The following COL25A1 variants were observed in gnomAD, a reference collection of about 807,000 sequenced individuals.
COL25A1 encodes the protein collagen alpha-1(XXV) chain.
A neutral mutation model predicts 128.4 loss-of-function variants in COL25A1; 103 were observed. That is an observed-to-expected ratio of 0.80 (90% CI 0.68 to 0.94). The LOEUF is 0.94. Among genes scored for constraint, COL25A1 ranks in the 40% least tolerant of loss-of-function variants. The probability of loss-of-function intolerance (pLI) is 0.00; values close to 1 mark genes in which losing one functional copy is unlikely to be tolerated. For missense variants in COL25A1, 745 were observed against 840.0 expected, an observed-to-expected ratio of 0.89 and a Z score of 1.40; for synonymous variants, 279 against 277.2, an observed-to-expected ratio of 1.01 and a Z score of -0.06.
intron 5 of COL25A1, among the ~76,000 whole-genome samples, chr4:109,022,452 T>G (rs79483437): frequency 0.012 from 1,835 of 152,314 alleles, 35 homozygotes; most frequent in East Asian, 0.1. Context: ...TTACTTGTCA[T>G]GTGGATGGAA....
At chr4:108,990,082 C>T (rs1348446496) in intron 6 of COL25A1, among the ~76,000 whole-genome samples, 3 of 150,594 alleles carry the variant, frequency 2.0e-5, no homozygotes, top group Non-Finnish European at 3.0e-5. Flanking sequence ...GGTATAGTGG[C>T]GGGGCTGTAA....
At chr4:109,019,371 C>CATATATATATATATATATATATAT (rs1183525991) in intron 5 of COL25A1, among the ~76,000 whole-genome samples, 13 of 8,912 alleles carry the variant, frequency 1.5e-3, no homozygotes, top group African/African-American at 2.6e-3. Context: ...CACACACACA[C>CATATATATATATATATATATATAT]ACACATATAT....
chr4:108,823,116 G>A (rs995474020), intron 35 of COL25A1, among the ~76,000 whole-genome samples: 1 of 152,170 alleles, frequency 6.6e-6, no homozygotes, highest in Non-Finnish European at 1.5e-5. Context: ...ATTTAGCCTT[G>A]CTTGTCAACA....
intron 5 of COL25A1, among the ~76,000 whole-genome samples, chr4:109,013,768 A>C (rs1350134608): frequency 6.6e-6 from 1 of 152,180 alleles, no homozygotes; most frequent in Non-Finnish European, 1.5e-5. Context: ...CGAAGGAAGA[A>C]ACTCTAAGCA....
intron 3 of COL25A1, among the ~76,000 whole-genome samples, chr4:109,211,274 CTATATATATATGAAACTATA>C (rs1777500432): frequency 1.3e-4 from 2 of 15,958 alleles, no homozygotes; most frequent in Admixed American, 8.1e-4. Flanking sequence ...ATATATGAAA[CTATATATATATGAAACTATA>C]TATATATATA....
intron 3 of COL25A1, among the ~76,000 whole-genome samples, chr4:109,165,857 T>C (rs1773020849): frequency 6.6e-6 from 1 of 152,180 alleles, no homozygotes; most frequent in African/African-American, 2.4e-5. Context: ...TTAAGTACAG[T>C]TTCTAACTAG....
intron 3 of COL25A1, among the ~76,000 whole-genome samples, chr4:109,136,314 G>C (rs1327938541): frequency 6.6e-6 from 1 of 152,112 alleles, no homozygotes; most frequent in African/African-American, 2.4e-5. Flanking sequence ...CATGAGAATC[G>C]CTTAAGCCTG....
At chr4:109,011,482 A>T (rs1410335196) in intron 5 of COL25A1, among the ~76,000 whole-genome samples, 1 of 152,008 alleles carries the variant, frequency 6.6e-6, no homozygotes, top group Non-Finnish European at 1.5e-5. Flanking sequence ...TACTCACCCC[A>T]CTCCTGTACT....
chr4:108,822,292 C>T (rs999422522), intron 35 of COL25A1, among the ~76,000 whole-genome samples: 5 of 152,084 alleles, frequency 3.3e-5, no homozygotes, highest in Non-Finnish European at 7.4e-5. Context: ...GATCCACCCG[C>T]CTCGGCCTCC....
In COL25A1 at chr4:108,852,928, G is replaced by T; in HGVS notation, c.1321-3C>A. The T allele has an allele frequency of 1.9e-6, 3 of 1,609,846 alleles. No individual in the cohort carries two copies. In the South Asian group the frequency reaches 3.3e-5, roughly 18 times the overall value. ...GTGACAGTTAAGGTGGTAATCCTCT[G>T]TTGGGAAAATGTGTTGACAAAGACA... On this transcript the variant is annotated splice_region_variant and splice_polypyrimidine_tract_variant and intron_variant, in intron 24 of 37. Transcript: ENST00000399132.
rs1774055926 is a variant in COL25A1 at position 109,175,964 on chromosome 4, A to G, written c.367+124619T>C. On this transcript the variant is annotated intron_variant, in intron 3 of 37. Transcript: ENST00000399132. ...CTTATAGTGAAGAATGTTGTTTGATACAACTGCATTAGAGAATTGTATAAT... is the reference window on the plus strand; with the variant it reads ...CTTATAGTGAAGAATGTTGTTTGATGCAACTGCATTAGAGAATTGTATAAT... 2.0e-5 allele frequency among the ~76,000 whole-genome samples: 3 copies of G among 152,266 alleles called. No homozygotes were observed. In the South Asian group the frequency reaches 6.2e-4, roughly 31 times the overall value.
intron 11 of COL25A1, among the ~76,000 whole-genome samples, chr4:108,932,146 A>G (rs1461858834): frequency 1.3e-5 from 2 of 152,184 alleles, no homozygotes; most frequent in East Asian, 1.9e-4. Flanking sequence ...GCTGATCAAG[A>G]TAGCAGGCAG....
intron 18 of COL25A1, among the ~76,000 whole-genome samples, chr4:108,884,832 A>C (rs1740587783): frequency 6.6e-6 from 1 of 152,224 alleles, no homozygotes; most frequent in Admixed American, 6.5e-5. Flanking sequence ...CTTAGGGCTA[A>C]TGGTACTATG....
chr4:108,813,039 C>T lies in COL25A1; in HGVS notation c.*888G>A, dbSNP rs1730924160. On this transcript the variant is annotated 3_prime_UTR_variant, in exon 38 of 38. Coordinates refer to ENST00000399132, the MANE Select transcript of COL25A1 (RefSeq NM_198721.4). ...CATATTTTTAAAGTCTGTGGTTCTG[C>T]ATGTTTGCATTTGTAAACCTCTTTC... The T allele has an allele frequency of 6.6e-6, 1 of 152,232 alleles. No homozygotes were observed. Among genetic ancestry groups the T allele is most frequent in the African/African-American group, 2.4e-5 (1 of 41,452 alleles). 9.4% of individuals were successfully genotyped at this position (152,232 alleles called of 1,614,324 possible). A position where few individuals can be genotyped will look rare whatever the true frequency, so the allele number is the denominator to read the frequency against.
At position 109,244,366 on chromosome 4, in the gene COL25A1, A is replaced by C. The variant is rs138072202; in HGVS notation, c.367+56217T>G. Among the ~76,000 whole-genome samples, 573 of 152,260 alleles carry C rather than the reference A, an allele frequency of 3.8e-3. 2 individuals carry two copies. Among genetic ancestry groups the C allele is most frequent in the African/African-American group, 0.013 (540 of 41,566 alleles). On this transcript the variant is annotated intron_variant, in intron 3 of 37. Transcript: ENST00000399132. ...TAAATTCACAGACTATATCAAAAAA[A>C]GTGTCACTTTGTAGGCCTTCCTATG...
chr4:108,995,781 C>T (rs1055558446), intron 6 of COL25A1, among the ~76,000 whole-genome samples: 2 of 152,186 alleles, frequency 1.3e-5, no homozygotes, highest in African/African-American at 4.8e-5. Context: ...CGGCAGAAAC[C>T]CTATAAGCCA....
At chr4:109,201,688 A>G (rs1449031593) in intron 3 of COL25A1, among the ~76,000 whole-genome samples, 1 of 152,172 alleles carries the variant, frequency 6.6e-6, no homozygotes, top group Non-Finnish European at 1.5e-5. Context: ...TGGGAAGGAA[A>G]ACTTACAACT....
At chr4:108,829,962 G>C (rs761975533) in intron 32 of COL25A1, among the ~76,000 whole-genome samples, 3 of 152,184 alleles carry the variant, frequency 2.0e-5, no homozygotes, top group African/African-American at 4.8e-5. Context: ...CAGCTTGTCC[G>C]TGGTCAGAAG....
At chr4:108,986,984 A>G (rs1753716975) in intron 6 of COL25A1, among the ~76,000 whole-genome samples, 1 of 152,182 alleles carries the variant, frequency 6.6e-6, no homozygotes, top group Non-Finnish European at 1.5e-5. Context: ...AAGATTAGCA[A>G]TTGATGTTTC....
Sources: allele counts gnomAD v4.1 joint callset (sites outside exome capture counted in the v4.1 genomes callset), GRCh38; gene constraint gnomAD v4.1.1; transcripts MANE v1.5; gene names NCBI Gene and HGNC (gene_info 2026-07-23, HGNC 2026-07-21).